Variants in XG observed in about 807,000 individuals in gnomAD.
XG encodes the protein Xg glycoprotein (Xg blood group).
XG carries 24 observed loss-of-function variants against 25.7 expected under a neutral mutation model. That is an observed-to-expected ratio of 0.93 (90% CI 0.68 to 1.31). The LOEUF (loss-of-function observed/expected upper bound fraction) is 1.31. Ranked by LOEUF, XG falls within the 40% of genes most tolerant of loss-of-function variation. The pLI is 0.00. For synonymous variants in XG, 77 were observed against 69.2 expected (o/e 1.11, Z -0.56); for missense variants, 181 against 187.6 (o/e 0.96, Z 0.21).
intron 1 of XG, among the ~76,000 whole-genome samples, chrX:2,759,402 T>C (rs1480642401): frequency 6.6e-6 from 1 of 152,164 alleles, no homozygotes; most frequent in African/African-American, 2.4e-5. Context: ...GGAGGTATAG[T>C]TGTCTGGAGG....
intron 1 of XG, among the ~76,000 whole-genome samples, chrX:2,760,181 GA>G (rs200393385): frequency 0.043 from 6,457 of 149,580 alleles, 405 homozygotes; most frequent in African/African-American, 0.15. Context: ...CTCTGTCTCA[GA>G]AAAAAAAAAT....
intron 1 of XG, among the ~76,000 whole-genome samples, chrX:2,764,101 A>G (rs1283830162): frequency 7.9e-5 from 12 of 152,170 alleles, no homozygotes; most frequent in Non-Finnish European, 2.9e-5. Flanking sequence ...CAAATCCAAG[A>G]TGGCGATGAG....
Position 2,772,222 on chromosome X carries a change from C to G in XG, c.103+1631C>G, listed in dbSNP as rs150466650. Among the ~76,000 whole-genome samples the G allele has an allele frequency of 3.4e-4, 51 of 152,224 alleles. No homozygotes were observed. In the East Asian group the frequency reaches 7.9e-3, roughly 24 times the overall value. The stretch of plus-strand genomic sequence containing the variant: ...CAGGAGTTCCACTTCTAGACAGATA[C>G]CCAAGAGAATTGGGAGCAGGGACTC... On this transcript the variant is annotated intron_variant, in intron 2 of 10. Transcript: ENST00000644266.
At chrX:2,776,441 G>A (rs865963584) in intron 3 of XG, among the ~76,000 whole-genome samples, 6 of 152,100 alleles carry the variant, frequency 3.9e-5, no homozygotes, top group African/African-American at 1.4e-4. Context: ...GATGTAGCTC[G>A]CCACAGTATC....
At chrX:2,768,874 G>A (rs1394930237) in intron 1 of XG, among the ~76,000 whole-genome samples, 2 of 152,208 alleles carry the variant, frequency 1.3e-5, no homozygotes, top group Non-Finnish European at 2.9e-5. Flanking sequence ...TGTAGTGATC[G>A]CTGGTAACAG....
At chrX:2,773,036 C>T (rs1057168576) in intron 2 of XG, among the ~76,000 whole-genome samples, 30 of 106,292 alleles carry the variant, frequency 2.8e-4, no homozygotes, top group Non-Finnish European at 4.8e-4. Context: ...TATAATTTTA[C>T]ATTTTAAAAA....
At chrX:2,777,823 A>G (rs9650936) in intron 3 of XG, among the ~76,000 whole-genome samples, 14,820 of 150,776 alleles carry the variant, frequency 0.098, 740 homozygotes, top group Middle Eastern at 0.14. Flanking sequence ...CACTGTAGGA[A>G]GCCGAGGCGG....
chrX:2,807,173 T>G (rs1440021054), intron 8 of XG, among the ~76,000 whole-genome samples: 1 of 113,190 alleles, frequency 8.8e-6, no homozygotes, highest in Non-Finnish European at 1.9e-5. Flanking sequence ...TGTTTGTGTA[T>G]GTGCACAGAT....
intron 1 of XG, among the ~76,000 whole-genome samples, chrX:2,765,663 A>C (rs2050668089): frequency 6.6e-6 from 1 of 152,032 alleles, no homozygotes; most frequent in African/African-American, 2.4e-5. Flanking sequence ...CTGGGAGCTG[A>C]TTTTCTTCTT....
intron 7 of XG, among the ~76,000 whole-genome samples, chrX:2,797,707 GCGCAGCT>G (rs1311942762): frequency 9.0e-6 from 1 of 110,711 alleles, no homozygotes; most frequent in Admixed American, 9.7e-5. Context: ...TTCTTTAGGG[GCGCAGCT>G]CGCTTACTTC....
At chrX:2,794,676 G>A (rs1569042270) in intron 6 of XG, 73 bp downstream of exon 6, 8 of 1,108,073 alleles carry the variant, frequency 7.2e-6, no homozygotes, top group Non-Finnish European at 9.8e-6. Flanking sequence ...GCCTGAAGTT[G>A]GGGATGAGAG....
At chrX:2,809,835 C>A (rs1408036584) in intron 9 of XG, among the ~76,000 whole-genome samples, 9 of 111,924 alleles carry the variant, frequency 8.0e-5, no homozygotes, top group Non-Finnish European at 1.5e-4. Flanking sequence ...TCCAGGAAGC[C>A]AGGCCAGGCT....
chrX:2,760,689 C>T (rs1415921555), intron 1 of XG, among the ~76,000 whole-genome samples: 11 of 139,098 alleles, frequency 7.9e-5, no homozygotes, highest in East Asian at 2.1e-4. Flanking sequence ...GAGCCGAGAT[C>T]GCACTACTGC....
At chrX:2,754,789 C>T (rs763663215) in intron 1 of XG, among the ~76,000 whole-genome samples, 4 of 152,272 alleles carry the variant, frequency 2.6e-5, no homozygotes, top group African/African-American at 4.8e-5. Context: ...CTAGCCACAG[C>T]GGCAGCTGAT....
chrX:2,809,430 T>C (rs1161524788), intron 9 of XG, among the ~76,000 whole-genome samples: 1 of 111,377 alleles, frequency 9.0e-6, no homozygotes, highest in Non-Finnish European at 1.9e-5. Flanking sequence ...TCCCTGGAAA[T>C]GATGACAGGC....
intron 6 of XG, among the ~76,000 whole-genome samples, chrX:2,795,478 T>C (rs1173299636): frequency 2.0e-5 from 2 of 102,309 alleles, no homozygotes; most frequent in Non-Finnish European, 3.8e-5. Flanking sequence ...CACTTTTATA[T>C]ATACATATGT....
chrX:2,764,320 T>C (rs997222823), intron 1 of XG, among the ~76,000 whole-genome samples: 1 of 152,180 alleles, frequency 6.6e-6, no homozygotes, highest in African/African-American at 2.4e-5. Context: ...GGAGCCATTC[T>C]TTATTCCTCT....
At position 2,802,173 on chromosome X, in the gene XG, T is replaced by G. The variant is rs746149507; in HGVS notation, c.374-4528T>G. On this transcript the variant is annotated intron_variant, in intron 7 of 10. Coordinates refer to ENST00000644266, the MANE Select transcript of XG (RefSeq NM_001141919.2). ...ACTGGAGGTTTTGCTTTTTTTTCTTTAAACAGGGTTTCATTTTGTTACCCA... is the reference window on the plus strand; with the variant it reads ...ACTGGAGGTTTTGCTTTTTTTTCTTGAAACAGGGTTTCATTTTGTTACCCA... 4.5e-4 allele frequency among the ~76,000 whole-genome samples: 50 copies of G among 110,664 alleles called. No individual in the cohort carries two copies. The South Asian group carries it at 0.018, about 39-fold the overall frequency.
chrX:2,767,165 G>A (rs1324747691), intron 1 of XG, among the ~76,000 whole-genome samples: 3 of 152,106 alleles, frequency 2.0e-5, no homozygotes, highest in Admixed American at 1.3e-4. Context: ...GGAGGCAGGG[G>A]AACTCCAATA....
Sources: gnomAD v4.1 joint callset for allele counts (sites outside exome capture counted in the v4.1 genomes callset) on GRCh38, gnomAD v4.1.1 for gene constraint, MANE v1.5 for transcripts, NCBI Gene and HGNC (gene_info 2026-07-23, HGNC 2026-07-21) for gene names.